Variants in KIAA0319 observed in about 807,000 individuals in gnomAD.
KIAA0319 encodes KIAA0319.
Under a neutral mutation model 108.4 loss-of-function variants are expected in KIAA0319, and 83 were observed. That is an observed-to-expected ratio of 0.77 (90% CI 0.64 to 0.92). The LOEUF is 0.92. Among genes scored for constraint, KIAA0319 ranks in the 40% least tolerant of loss-of-function variants. KIAA0319 has a pLI of 0.00. For missense variants in KIAA0319, 1,195 were observed against 1,322.4 expected (o/e 0.90, Z 1.49); for synonymous variants, 484 against 510.4 (o/e 0.95, Z 0.70).
chr6:24,543,283 GAT>G (rs2127394650), downstream of KIAA0319, among the ~76,000 whole-genome samples: 1 of 152,288 alleles, frequency 6.6e-6, no homozygotes, highest in Admixed American at 6.5e-5. Context: ...GGGAGAGGGG[GAT>G]TACAAAGAGC....
At position 24,551,524 on chromosome 6, in the gene KIAA0319, G is replaced by A. The variant is rs1203105385; in HGVS notation, c.2950C>T (p.Gln984Ter). The A allele has an allele frequency of 1.9e-6, 3 of 1,584,906 alleles. No individual in the cohort carries two copies. Among genetic ancestry groups the A allele is most frequent in the Non-Finnish European group, 2.6e-6 (3 of 1,153,472 alleles). The change falls in exon 20 of 21, where the codon CAA becomes TAA. Residue 984 changes from glutamine to a stop codon, truncating the protein, a stop_gained and splice_region_variant. Transcript: ENST00000378214. LOFTEE classifies it high-confidence loss of function. Reference sequence around the variant, plus strand: ...TTTTTCCTGATTTTAGTCCTTTTTTGTCTGAAAGGAACAATGAAAAGCTCA... The same window carrying A: ...TTTTTCCTGATTTTAGTCCTTTTTTATCTGAAAGGAACAATGAAAAGCTCA... ...TWLCICCCKRQKRTKIRKKTK... is the reference protein window; with the variant it reads ...TWLCICCCKR
intron 20 of KIAA0319, among the ~76,000 whole-genome samples, chr6:24,548,555 G>T (rs1215849437): frequency 2.6e-5 from 4 of 151,132 alleles, no homozygotes; most frequent in African/African-American, 9.8e-5. Context: ...GCTGTTTTAG[G>T]CTTGGAGGTG....
chr6:24,642,204 AAG>A (rs903372134), intron 1 of KIAA0319, among the ~76,000 whole-genome samples: 20 of 146,732 alleles, frequency 1.4e-4, no homozygotes, highest in Admixed American at 8.8e-4. Context: ...AAGAAAGAGA[AAG>A]AAGGAAAGGA....
intron 10 of KIAA0319, among the ~76,000 whole-genome samples, 185 bp downstream of exon 10, chr6:24,576,183 C>T (rs1261746896): frequency 1.3e-5 from 2 of 152,092 alleles, no homozygotes; most frequent in African/African-American, 4.8e-5. Flanking sequence ...TCTAAGTGGG[C>T]GAGGGGAAGG....
chr6:24,564,606 T>A (rs1763639466), intron 14 of KIAA0319, among the ~76,000 whole-genome samples: 1 of 152,174 alleles, frequency 6.6e-6, no homozygotes, highest in Non-Finnish European at 1.5e-5. Flanking sequence ...AATTACCAAA[T>A]AATTAATTGT....
intron 5 of KIAA0319, chr6:24,583,151 T>G (rs1335436552): frequency 1.0e-6 from 1 of 986,730 alleles, no homozygotes; most frequent in African/African-American, 1.7e-5. Context: ...AAGAGCATTT[T>G]GAATAAATTT....
In KIAA0319 at chr6:24,579,893, GT is replaced by G. The variant is rs1205047259; in HGVS notation, c.1336del (p.Thr446LeufsTer4). ...AATGAGGGCTGACGTCAAAGGCAAAGTGAGCTCTTGCAGTTGGGGAGAAACA... is the reference window on the plus strand; with the variant it reads ...AATGAGGGCTGACGTCAAAGGCAAAGGAGCTCTTGCAGTTGGGGAGAAACA... ...AVVSPQLQEL[T>X]LPLTSALIDG... On this transcript the variant is annotated frameshift_variant, in exon 8 of 21. Transcript: ENST00000378214. LOFTEE classifies it high-confidence loss of function. The G allele has an allele frequency of 6.2e-7, 1 of 1,604,556 alleles. No homozygotes were observed. Among genetic ancestry groups the G allele is most frequent in the Non-Finnish European group, 8.5e-7 (1 of 1,175,078 alleles).
At chr6:24,622,945 A>T (rs563061358) in intron 1 of KIAA0319, among the ~76,000 whole-genome samples, 55 of 152,310 alleles carry the variant, frequency 3.6e-4, no homozygotes, top group Admixed American at 1.5e-3. Context: ...AGGCTGAGGC[A>T]GAAAAATTAC....
At chr6:24,641,127 A>G (rs1253851425) in intron 1 of KIAA0319, among the ~76,000 whole-genome samples, 1 of 152,112 alleles carries the variant, frequency 6.6e-6, no homozygotes, top group Non-Finnish European at 1.5e-5. Flanking sequence ...ATTTGACTAC[A>G]CTGAATAGTT....
chr6:24,541,971 C>T (rs1345735892), downstream of KIAA0319, among the ~76,000 whole-genome samples: 1 of 152,128 alleles, frequency 6.6e-6, no homozygotes, highest in Non-Finnish European at 1.5e-5. Flanking sequence ...GAAACTCCGT[C>T]GCTACTAAAA....
At position 24,559,926 on chromosome 6, in the gene KIAA0319, T is replaced by A. The variant is rs542743994; in HGVS notation, c.2592-771A>T. 1.1e-4 allele frequency among the ~76,000 whole-genome samples: 16 copies of A among 152,342 alleles called. No homozygotes were observed. The South Asian group carries it at 3.3e-3, about 32-fold the overall frequency. On this transcript the variant is annotated intron_variant, in intron 16 of 20. Transcript: ENST00000378214. ...TTGGTCTCTATGGATTTGCCTCTTC[T>A]GGACACTTCAGATAGATGGAATCAT...
intron 13 of KIAA0319, among the ~76,000 whole-genome samples, chr6:24,568,243 C>G (rs974240039): frequency 1.3e-5 from 2 of 152,216 alleles, no homozygotes; most frequent in Admixed American, 6.5e-5. Context: ...CATCCATTCA[C>G]TAATTCATTC....
intron 1 of KIAA0319, among the ~76,000 whole-genome samples, chr6:24,627,924 A>G (rs1774940973): frequency 6.6e-6 from 1 of 152,240 alleles, no homozygotes; most frequent in African/African-American, 2.4e-5. Flanking sequence ...TGTTCACCAG[A>G]AGAATGCTGA....
At chr6:24,573,546 T>A (rs1230571163) in intron 10 of KIAA0319, among the ~76,000 whole-genome samples, 7 of 152,170 alleles carry the variant, frequency 4.6e-5, no homozygotes, top group Non-Finnish European at 8.8e-5. Flanking sequence ...AGTAAAAAAA[T>A]TTTTAAAGAA....
chr6:24,562,074 T>G (rs807544), intron 16 of KIAA0319, among the ~76,000 whole-genome samples: 14,573 of 152,220 alleles, frequency 0.096, 756 homozygotes, highest in African/African-American at 0.13. Context: ...GGGTTCAAGC[T>G]ATCTGCCTGC....
chr6:24,626,980 T>C lies in KIAA0319; in HGVS notation c.-106+18756A>G, dbSNP rs112619216. On this transcript the variant is annotated intron_variant, in intron 1 of 20. Transcript: ENST00000378214. ...ACCTAGGTGCCAAACTCCAGCAACATTCTAGAGTGAGTTATTGAACAGATA... is the reference window on the plus strand; with the variant it reads ...ACCTAGGTGCCAAACTCCAGCAACACTCTAGAGTGAGTTATTGAACAGATA... Among the ~76,000 whole-genome samples, 391 of 152,268 alleles carry C rather than the reference T, an allele frequency of 2.6e-3. 1 individual carries two copies. The highest frequency in any genetic ancestry group is 0.014 in the Middle Eastern group (4 of 294).
At chr6:24,596,689 A>G in intron 2 of KIAA0319, 71 bp from the exon 3 acceptor site, 1 of 1,395,036 alleles carries the variant, frequency 7.2e-7, no homozygotes, top group Non-Finnish European at 9.7e-7. Context: ...TTAAGAAACC[A>G]GGAAAAGGGA....
chr6:24,610,642 CTGGCAGGG>C (rs1261711123), intron 1 of KIAA0319, among the ~76,000 whole-genome samples: 2 of 152,078 alleles, frequency 1.3e-5, no homozygotes, highest in African/African-American at 4.8e-5. Flanking sequence ...GGAGTTAGGC[CTGGCAGGG>C]TGGCTCATTC....
intron 1 of KIAA0319, among the ~76,000 whole-genome samples, chr6:24,620,854 G>A (rs186761196): frequency 2.6e-5 from 4 of 152,254 alleles, no homozygotes; most frequent in Admixed American, 1.3e-4. Flanking sequence ...AGTCACAGGG[G>A]TTGGAGCTTT....
Sources: gnomAD v4.1 joint callset for allele counts (sites outside exome capture counted in the v4.1 genomes callset) on GRCh38, gnomAD v4.1.1 for gene constraint, MANE v1.5 for transcripts, NCBI Gene and HGNC (gene_info 2026-07-23, HGNC 2026-07-21) for gene names.